Variants in ANK2 observed in about 807,000 individuals in gnomAD.
The protein encoded by ANK2 is ankyrin-2.
Under a neutral mutation model 360.5 loss-of-function variants are expected in ANK2, and 83 were observed. The observed-to-expected ratio is 0.23, with a 90% CI of 0.19 to 0.28. The LOEUF (loss-of-function observed/expected upper bound fraction) is 0.28. ANK2 is among the 10% of genes least tolerant of loss of function. The pLI is 1.00. For synonymous variants in ANK2, 1,740 were observed against 1,759.5 expected, an observed-to-expected ratio of 0.99 and a Z score of 0.28; for missense variants, 4,201 against 4,795.7, an observed-to-expected ratio of 0.88 and a Z score of 3.66.
At chr4:112,789,033 C>T in the ANK2 span, among the ~76,000 whole-genome samples, 4 of 151,960 alleles carry the variant, frequency 2.6e-5, no homozygotes, top group East Asian at 1.9e-4. Flanking sequence ...TAATAGATTA[C>T]GGTTCGGTGC....
chr4:113,094,726 A>G (rs2090245610), intron 1 of ANK2, among the ~76,000 whole-genome samples: 1 of 152,244 alleles, frequency 6.6e-6, no homozygotes, highest in Admixed American at 6.5e-5. Context: ...TCAAGATAAA[A>G]AACACATTTA....
the ANK2 span, among the ~76,000 whole-genome samples, chr4:112,772,003 C>T: frequency 1.3e-5 from 2 of 152,132 alleles, no homozygotes; most frequent in Non-Finnish European, 2.9e-5. Flanking sequence ...AGATGGGGCT[C>T]TTGGAGCTGC....
At chr4:113,364,858 C>G (rs537303105) in intron 40 of ANK2, among the ~76,000 whole-genome samples, 181 bp from the exon 41 acceptor site, 1 of 152,270 alleles carries the variant, frequency 6.6e-6, no homozygotes, top group South Asian at 2.1e-4. Flanking sequence ...TTTGCCCATG[C>G]TGTACCACTT....
In ANK2 at chr4:113,145,835, C is replaced by G. The variant is rs775657916; in HGVS notation, c.85-28581C>G. 6 of 1,288,168 alleles carry G rather than the reference C, an allele frequency of 4.7e-6. No homozygotes were observed. The African/African-American group carries it at 6.1e-5, about 13-fold the overall frequency. The allele number at this position is 1,288,168 out of a possible 1,614,324, so 79.8% of individuals were successfully genotyped here. A position where few individuals can be genotyped will look rare whatever the true frequency, so the allele number is the denominator to read the frequency against. On this transcript the variant is annotated intron_variant, in intron 1 of 45. Transcript: ENST00000357077. ...CTGGACAGAGTGCAGAGGGCAAGGA[C>G]GGGCCCACTGACAGCAGGAACTGTA...
the ANK2 span, among the ~76,000 whole-genome samples, chr4:112,752,289 C>G: frequency 6.6e-6 from 1 of 152,242 alleles, no homozygotes; most frequent in Non-Finnish European, 1.5e-5. Context: ...GGCAAGCACT[C>G]CACTCACCCA....
chr4:112,730,252 C>CAAAAAAA, the ANK2 span, among the ~76,000 whole-genome samples: 26 of 50,894 alleles, frequency 5.1e-4, no homozygotes, highest in Admixed American at 9.5e-4. Flanking sequence ...GACTCTGTCT[C>CAAAAAAA]AAAAAAAAAA....
chr4:113,277,879 C>G lies in ANK2; in HGVS notation c.1726C>G (p.Leu576Val), dbSNP rs1278355638. 6.2e-7 allele frequency: 1 copy of G among 1,613,968 alleles called. No individual in the cohort carries two copies. The highest frequency in any genetic ancestry group is 8.5e-7 in the Non-Finnish European group (1 of 1,179,960). Residue 576 changes from leucine (L) to valine (V), a missense_variant, in exon 16 of 46, where the codon CTG (leucine) becomes GTG (valine). Leu to Val is a conservative substitution (Grantham distance 32, BLOSUM62 1). Coordinates refer to ENST00000357077, the MANE Select transcript of ANK2 (RefSeq NM_001148.6). ...PLHVAAKYGS[L>V]DVAKLLLQRR... The stretch of plus-strand genomic sequence containing the variant: ...GCATGTAGCAGCCAAGTATGGAAGC[C>G]TGGATGTGGCAAAACTTCTCTTGCA...
chr4:112,869,400 C>G (rs1036851934), intron 1 of ANK2, among the ~76,000 whole-genome samples: 1 of 152,136 alleles, frequency 6.6e-6, no homozygotes, highest in Non-Finnish European at 1.5e-5. Flanking sequence ...ACCTCAGCCC[C>G]GCAAGTTGCT....
chr4:113,273,466 T>C (rs898359332), intron 14 of ANK2, among the ~76,000 whole-genome samples: 3 of 152,174 alleles, frequency 2.0e-5, no homozygotes, highest in Non-Finnish European at 4.4e-5. Context: ...CTATAGCTCC[T>C]CTTCTTTTTT....
chr4:112,806,570 C>G, the ANK2 span, among the ~76,000 whole-genome samples: 6 of 152,148 alleles, frequency 3.9e-5, no homozygotes, highest in African/African-American at 1.4e-4. Flanking sequence ...GTGCCCATGC[C>G]TGTAATCCCA....
At position 113,256,981 on chromosome 4, in the gene ANK2, T is replaced by C. The variant is rs1472567649; in HGVS notation, c.1188+1049T>C. Among the ~76,000 whole-genome samples the C allele has an allele frequency of 3.3e-5, 5 of 152,230 alleles. No homozygotes were observed. The South Asian group carries it at 8.3e-4, about 25-fold the overall frequency. On this transcript the variant is annotated intron_variant, in intron 11 of 45. Transcript: ENST00000357077. The stretch of plus-strand genomic sequence containing the variant: ...AATTGCAAATATTTTAAGTGCTGCA[T>C]GTGCATGTGGCTATTTATATCTGGC...
At chr4:112,738,497 T>C in the ANK2 span, among the ~76,000 whole-genome samples, 1 of 151,906 alleles carries the variant, frequency 6.6e-6, no homozygotes, top group African/African-American at 2.4e-5. Flanking sequence ...ATTTCAGTAG[T>C]TCCTTACTTA....
intron 2 of ANK2, among the ~76,000 whole-genome samples, chr4:112,975,198 TC>T (rs1428032555): frequency 6.6e-6 from 1 of 152,228 alleles, no homozygotes; most frequent in Non-Finnish European, 1.5e-5. Flanking sequence ...CTTAGGAACT[TC>T]CATTTAGCTA....
the ANK2 span, among the ~76,000 whole-genome samples, chr4:112,778,943 ATTC>A: frequency 6.6e-6 from 1 of 152,322 alleles, no homozygotes; most frequent in South Asian, 2.1e-4. Flanking sequence ...TAAACTACCT[ATTC>A]TTCACATCAC....
chr4:113,226,831 A>T (rs1474103926), intron 4 of ANK2, among the ~76,000 whole-genome samples: 2 of 152,340 alleles, frequency 1.3e-5, no homozygotes, highest in South Asian at 2.1e-4. Flanking sequence ...GTCACACCAG[A>T]ACTACTGTAA....
intron 23 of ANK2, among the ~76,000 whole-genome samples, chr4:113,306,746 G>T (rs2077404898): frequency 6.6e-6 from 1 of 152,124 alleles, no homozygotes; most frequent in African/African-American, 2.4e-5. Flanking sequence ...GAGGCCTAGA[G>T]ACATTAAGTA....
intron 1 of ANK2, among the ~76,000 whole-genome samples, chr4:112,902,157 A>G (rs2083650026): frequency 6.6e-6 from 1 of 152,198 alleles, no homozygotes; most frequent in Non-Finnish European, 1.5e-5. Context: ...AAAGGAAATA[A>G]TGTGTGTTCT....
At chr4:112,986,122 G>A (rs1031640982) in intron 2 of ANK2, among the ~76,000 whole-genome samples, 2 of 149,402 alleles carry the variant, frequency 1.3e-5, no homozygotes, top group African/African-American at 4.9e-5. Context: ...GTACACTGTG[G>A]TCTGGTTCAT....
At chr4:113,316,326 T>A (rs1215749713) in intron 24 of ANK2, among the ~76,000 whole-genome samples, 1 of 152,238 alleles carries the variant, frequency 6.6e-6, no homozygotes, top group African/African-American at 2.4e-5. Context: ...TTAAGACTTT[T>A]TTTGGAATAT....
Sources: allele counts gnomAD v4.1 joint callset (sites outside exome capture counted in the v4.1 genomes callset), GRCh38; gene constraint gnomAD v4.1.1; transcripts MANE v1.5; gene names NCBI Gene and HGNC (gene_info 2026-07-23, HGNC 2026-07-21).